The following MAML3 variants were observed in gnomAD, a reference collection of about 807,000 sequenced individuals.
The protein encoded by MAML3 is mastermind like transcriptional coactivator 3.
MAML3 carries 27 observed loss-of-function variants against 101.9 expected under a neutral mutation model. The ratio of observed to expected loss-of-function variants is 0.27; its 90% CI spans 0.20 to 0.37. The LOEUF (loss-of-function observed/expected upper bound fraction) is 0.37. Ranked by LOEUF, MAML3 falls within the 10% of genes least tolerant of loss-of-function variation. The probability of loss-of-function intolerance (pLI) is 1.00; values close to 1 mark genes in which losing one functional copy is unlikely to be tolerated. For synonymous variants in MAML3, 501 were observed against 555.9 expected, an observed-to-expected ratio of 0.90 and a Z score of 1.39; for missense variants, 1,316 against 1,444.9, an observed-to-expected ratio of 0.91 and a Z score of 1.45.
chr4:139,902,013 C>T (rs1732731761), intron 1 of MAML3, among the ~76,000 whole-genome samples: 1 of 152,142 alleles, frequency 6.6e-6, no homozygotes, highest in African/African-American at 2.4e-5. Context: ...TGAATAAAAT[C>T]CCATCACATG....
intron 3 of MAML3, among the ~76,000 whole-genome samples, chr4:139,728,792 C>T (rs1728580898): frequency 6.6e-6 from 1 of 152,212 alleles, no homozygotes; most frequent in Non-Finnish European, 1.5e-5. Context: ...TCTTCCCACA[C>T]CCTGTGCTCC....
intron 2 of MAML3, among the ~76,000 whole-genome samples, chr4:139,822,986 T>C (rs1367579796): frequency 6.6e-6 from 1 of 152,154 alleles, no homozygotes; most frequent in African/African-American, 2.4e-5. Context: ...TCAGCTGAAA[T>C]TGTAGAACAC....
chr4:140,068,843 G>A (rs903963032), intron 1 of MAML3, among the ~76,000 whole-genome samples: 1 of 152,142 alleles, frequency 6.6e-6, no homozygotes, highest in African/African-American at 2.4e-5. Context: ...CTAGTACATA[G>A]TAAGCATTGA....
intron 2 of MAML3, among the ~76,000 whole-genome samples, chr4:139,781,902 G>T (rs975650647): frequency 6.6e-6 from 1 of 152,142 alleles, no homozygotes; most frequent in Non-Finnish European, 1.5e-5. Context: ...CCACCCATCT[G>T]TGTTCTTTGA....
At chr4:140,017,362 T>TA (rs759923764) in intron 1 of MAML3, among the ~76,000 whole-genome samples, 121 of 152,224 alleles carry the variant, frequency 7.9e-4, no homozygotes, top group Non-Finnish European at 3.1e-4. Flanking sequence ...ACAAGTAAAA[T>TA]AATACAGCCC....
intron 2 of MAML3, among the ~76,000 whole-genome samples, chr4:139,844,343 T>C (rs1731407428): frequency 6.6e-6 from 1 of 152,230 alleles, no homozygotes; most frequent in Non-Finnish European, 1.5e-5. Context: ...GTGATGGTAA[T>C]TGAAACATCC....
intron 2 of MAML3, chr4:139,740,537 T>A (rs541263664): frequency 3.3e-5 from 5 of 152,144 alleles, no homozygotes; most frequent in East Asian, 3.9e-4. Flanking sequence ...CTAGGGAGAT[T>A]TTTTTCCCCC....
chr4:139,886,834 C>T (rs1256818012), intron 2 of MAML3, among the ~76,000 whole-genome samples: 2 of 152,026 alleles, frequency 1.3e-5, no homozygotes, highest in Non-Finnish European at 2.9e-5. Flanking sequence ...TTTTGTTTCC[C>T]TGTTTTTTGA....
intron 1 of MAML3, among the ~76,000 whole-genome samples, chr4:140,035,999 A>C (rs1726981570): frequency 1.3e-5 from 2 of 152,346 alleles, no homozygotes; most frequent in South Asian, 4.1e-4. Context: ...TCAAACCAGA[A>C]ACAAAGCATA....
chr4:139,870,612 G>A (rs574352477), intron 2 of MAML3, among the ~76,000 whole-genome samples: 17 of 152,216 alleles, frequency 1.1e-4, no homozygotes, highest in African/African-American at 4.1e-4. Flanking sequence ...GGCTCCCTCT[G>A]TTCTAAATTC....
chr4:139,738,892 C>T (rs1339525165), intron 2 of MAML3, among the ~76,000 whole-genome samples: 1 of 152,164 alleles, frequency 6.6e-6, no homozygotes, highest in African/African-American at 2.4e-5. Flanking sequence ...GGTATATACA[C>T]AATTACACAC....
At chr4:139,887,804 G>A (rs974612017) in intron 2 of MAML3, among the ~76,000 whole-genome samples, 2 of 152,168 alleles carry the variant, frequency 1.3e-5, no homozygotes, top group African/African-American at 4.8e-5. Context: ...TAAACCTTCT[G>A]ACACGCCTGG....
In MAML3 at chr4:140,069,895, T is replaced by C. The variant is rs143128270; in HGVS notation, c.468+82965A>G. ...CTTTGGGAGGCCGAGGCTGGCGGAT[T>C]ACCTGAGGTCAGGAGTCCCAGACCA... On this transcript the variant is annotated intron_variant, in intron 1 of 4. Coordinates refer to ENST00000509479, the MANE Select transcript of MAML3 (RefSeq NM_018717.5). 1.5e-3 allele frequency among the ~76,000 whole-genome samples: 234 copies of C among 151,904 alleles called. 1 individual carries two copies. Among genetic ancestry groups the C allele is most frequent in the African/African-American group, 5.5e-3 (229 of 41,428 alleles).
intron 2 of MAML3, among the ~76,000 whole-genome samples, chr4:139,787,110 G>A (rs1027886658): frequency 3.3e-5 from 5 of 152,232 alleles, no homozygotes; most frequent in East Asian, 3.9e-4. Flanking sequence ...TTCCCTTCCC[G>A]GCTGTGAGCA....
chr4:139,851,085 T>A (rs1731539027), intron 2 of MAML3, among the ~76,000 whole-genome samples: 2 of 152,216 alleles, frequency 1.3e-5, no homozygotes, highest in South Asian at 4.1e-4. Flanking sequence ...GAACTTTAAG[T>A]ATGCTCTCCT....
chr4:139,992,240 T>G (rs1357178571), intron 1 of MAML3, among the ~76,000 whole-genome samples: 1 of 152,172 alleles, frequency 6.6e-6, no homozygotes, highest in Admixed American at 6.5e-5. Context: ...TATTTACTAG[T>G]TGATGGACAA....
chr4:140,055,059 G>A (rs1246124101), intron 1 of MAML3, among the ~76,000 whole-genome samples: 1 of 152,080 alleles, frequency 6.6e-6, no homozygotes, highest in East Asian at 1.9e-4. Flanking sequence ...CATCTGTCAG[G>A]GATTCTGTAG....
At chr4:140,088,946 AT>A (rs1274526680) in intron 1 of MAML3, among the ~76,000 whole-genome samples, 1 of 152,188 alleles carries the variant, frequency 6.6e-6, no homozygotes, top group Non-Finnish European at 1.5e-5. Flanking sequence ...TACGGAACCA[AT>A]TGCTCTTTAT....
intron 1 of MAML3, among the ~76,000 whole-genome samples, chr4:140,091,195 C>T (rs114705977): frequency 0.011 from 1,703 of 152,248 alleles, 36 homozygotes; most frequent in African/African-American, 0.039. Flanking sequence ...GCCCTACATA[C>T]ACTATTTTAC....
Sources: gnomAD v4.1 joint callset for allele counts (sites outside exome capture counted in the v4.1 genomes callset) on GRCh38, gnomAD v4.1.1 for gene constraint, MANE v1.5 for transcripts, NCBI Gene and HGNC (gene_info 2026-07-23, HGNC 2026-07-21) for gene names.